Variants in IQCH observed in about 807,000 individuals in gnomAD.
IQCH encodes the protein IQ motif containing H.
In IQCH, 98 loss-of-function variants were observed where a neutral mutation model predicts 117.0. The ratio of observed to expected loss-of-function variants is 0.84; its 90% CI spans 0.71 to 0.99. IQCH has a LOEUF of 0.99. Among genes scored for constraint, IQCH ranks in the 50% least tolerant of loss-of-function variants. IQCH has a pLI of 0.00. For missense variants in IQCH, 1,102 were observed against 1,243.8 expected (o/e 0.89, Z 1.72); for synonymous variants, 412 against 448.2 (o/e 0.92, Z 1.02).
chr15:67,379,562 T>C (rs1970851166), intron 10 of IQCH, among the ~76,000 whole-genome samples: 1 of 152,190 alleles, frequency 6.6e-6, no homozygotes, highest in Non-Finnish European at 1.5e-5. Flanking sequence ...ACCCAAATCT[T>C]ATTTTGAATT....
intron 4 of IQCH, among the ~76,000 whole-genome samples, chr15:67,302,714 G>A (rs778489587): frequency 1.1e-4 from 16 of 152,142 alleles, no homozygotes; most frequent in South Asian, 8.3e-4. Flanking sequence ...AAAATTAGCC[G>A]GGTGTGGTAG....
intron 10 of IQCH, among the ~76,000 whole-genome samples, chr15:67,377,429 T>C (rs1970777709): frequency 6.6e-6 from 1 of 152,174 alleles, no homozygotes; most frequent in Non-Finnish European, 1.5e-5. Flanking sequence ...TTAGGGTCTA[T>C]TTTAAGCAAA....
intron 6 of IQCH, among the ~76,000 whole-genome samples, chr15:67,345,156 A>C (rs1969332744): frequency 6.6e-6 from 1 of 151,982 alleles, no homozygotes; most frequent in Admixed American, 6.6e-5. Flanking sequence ...CGCCTGATTA[A>C]TTTTTTGTAT....
Position 67,458,445 on chromosome 15 carries a change from T to C in IQCH, c.2506-6682T>C, listed in dbSNP as rs2082710314. Among the ~76,000 whole-genome samples the C allele has an allele frequency of 6.6e-6, 1 of 152,232 alleles. No homozygotes were observed. Among genetic ancestry groups the C allele is most frequent in the Admixed American group, 6.5e-5 (1 of 15,292 alleles). On this transcript the variant is annotated intron_variant, in intron 16 of 20. Transcript: ENST00000335894. This position sits in a 1 kb window ranked among gnomAD's most constrained non-coding sequence, Gnocchi z 4.1. ...AGTGTGGTCCAGCCACCATCATCTC[T>C]CACCTCAATTACTGCAAGTCTTCCT...
chr15:67,298,932 G>T (rs543969619), intron 4 of IQCH, among the ~76,000 whole-genome samples: 1 of 152,196 alleles, frequency 6.6e-6, no homozygotes, highest in South Asian at 2.1e-4. Flanking sequence ...CCGAAAGAAA[G>T]GAAATCAGTG....
intron 6 of IQCH, among the ~76,000 whole-genome samples, chr15:67,355,868 C>T (rs1457677650): frequency 6.6e-6 from 1 of 152,188 alleles, no homozygotes; most frequent in African/African-American, 2.4e-5. Context: ...TTATTGATAT[C>T]ATTAACTGTG....
intron 18 of IQCH, among the ~76,000 whole-genome samples, chr15:67,487,350 A>C (rs1189879252): frequency 6.6e-6 from 1 of 152,006 alleles, no homozygotes; most frequent in East Asian, 1.9e-4. Flanking sequence ...ACAACAAAAA[A>C]AGAATGTAGA....
At chr15:67,499,039 G>A (rs2083903364) in intron 20 of IQCH, among the ~76,000 whole-genome samples, 1 of 152,148 alleles carries the variant, frequency 6.6e-6, no homozygotes, top group South Asian at 2.1e-4. Flanking sequence ...GCTCACACCT[G>A]TAATCCCAGC....
At chr15:67,274,681 G>A (rs1966048076) in intron 3 of IQCH, among the ~76,000 whole-genome samples, 1 of 151,930 alleles carries the variant, frequency 6.6e-6, no homozygotes, top group African/African-American at 2.4e-5. Flanking sequence ...TGTTCATTTT[G>A]GGGAAGTCAT....
intron 4 of IQCH, among the ~76,000 whole-genome samples, chr15:67,335,024 C>T (rs920683377): frequency 1.3e-4 from 20 of 152,080 alleles, no homozygotes; most frequent in Admixed American, 9.2e-4. Flanking sequence ...TTTCTGTCAA[C>T]GAAAACACCA....
chr15:67,284,660 G>A (rs1373387644), intron 4 of IQCH, among the ~76,000 whole-genome samples: 3 of 152,028 alleles, frequency 2.0e-5, no homozygotes, highest in Non-Finnish European at 4.4e-5. Flanking sequence ...TCCTCTCTAT[G>A]TGTCCATGTG....
At chr15:67,477,966 G>A (rs943185225) in intron 18 of IQCH, among the ~76,000 whole-genome samples, 2 of 152,164 alleles carry the variant, frequency 1.3e-5, no homozygotes, top group East Asian at 1.9e-4. Context: ...TGAGTTGATC[G>A]GATCTATTTC....
At chr15:67,262,178 A>C (rs1412115601) in intron 2 of IQCH, among the ~76,000 whole-genome samples, 1 of 152,250 alleles carries the variant, frequency 6.6e-6, no homozygotes, top group East Asian at 1.9e-4. Flanking sequence ...GTTATAATCA[A>C]ATGGGTAAAA....
At position 67,481,037 on chromosome 15, in the gene IQCH, T is replaced by C. The variant is rs1219594648; in HGVS notation, c.2799+5219T>C. Among the ~76,000 whole-genome samples, 2 of 152,152 alleles carry C rather than the reference T, an allele frequency of 1.3e-5. No homozygotes were observed. Among genetic ancestry groups the C allele is most frequent in the Admixed American group, 6.5e-5 (1 of 15,274 alleles). On this transcript the variant is annotated intron_variant, in intron 18 of 20. Transcript: ENST00000335894. This position sits in a 1 kb window ranked among gnomAD's most constrained non-coding sequence, Gnocchi z 4.1. ...ACCTCAAAAATGAGACTTTTAAAAATTGAAGAGGCATTTATTTACACAACC... is the reference window on the plus strand; with the variant it reads ...ACCTCAAAAATGAGACTTTTAAAAACTGAAGAGGCATTTATTTACACAACC...
chr15:67,489,440 C>G (rs955688880), intron 18 of IQCH, among the ~76,000 whole-genome samples: 5 of 152,146 alleles, frequency 3.3e-5, no homozygotes, highest in African/African-American at 1.2e-4. Context: ...ATTCTCCTGC[C>G]TCAGCCTCTG....
In IQCH at chr15:67,430,171, G is replaced by A. The variant is rs72747406; in HGVS notation, c.2505+8594G>A. ...ACAAGGCAGCCATGTTGGAGATCTG[G>A]CCTTCCCACATAAGGATAATATTAT... On this transcript the variant is annotated intron_variant, in intron 16 of 20. Coordinates refer to ENST00000335894, the MANE Select transcript of IQCH (RefSeq NM_001031715.3). The surrounding 1 kb of genome is among the most constrained non-coding windows in gnomAD (Gnocchi z 5.1). 0.057 allele frequency: 8,601 copies of A among 152,142 alleles called. 349 individuals are homozygous for A. Among genetic ancestry groups the A allele is most frequent in the Non-Finnish European group, 0.081 (5,499 of 68,020 alleles). 9.4% of individuals were successfully genotyped at this position (152,142 alleles called of 1,614,324 possible).
Position 67,372,413 on chromosome 15 carries a change from C to T in IQCH, c.1056C>T (p.Val352=). 6.2e-7 allele frequency: 1 copy of T among 1,614,070 alleles called. No homozygotes were observed. Among genetic ancestry groups the T allele is most frequent in the African/African-American group, 1.3e-5 (1 of 75,030 alleles). The change falls in exon 9 of 21, where the codon GTC becomes GTT. Residue 352 remains valine, a synonymous_variant. Transcript: ENST00000335894. ...LLSVLEDPAH[V]QMLINLPGQR... ...CAGTGTTAGAGGACCCAGCTCATGT[C>T]CAAATGCTGATAAATCTTCCAGGGC...
intron 6 of IQCH, among the ~76,000 whole-genome samples, chr15:67,347,154 C>T (rs1201386513): frequency 7.0e-6 from 1 of 143,290 alleles, no homozygotes; most frequent in Non-Finnish European, 1.5e-5. Flanking sequence ...AAGCAAGCAG[C>T]AGATGGAAAT....
At position 67,482,544 on chromosome 15, in the gene IQCH, A is replaced by G. The variant is rs189280835; in HGVS notation, c.2799+6726A>G. On this transcript the variant is annotated intron_variant, in intron 18 of 20. Coordinates refer to ENST00000335894, the MANE Select transcript of IQCH (RefSeq NM_001031715.3). ...TCACACATTTTGTTTCATTCTTGCA[A>G]TAACTTTGAAAGGTAGACATTTTCA... Among the ~76,000 whole-genome samples, 87 of 152,294 alleles carry G rather than the reference A, an allele frequency of 5.7e-4. 6 individuals are homozygous for G. In the East Asian group the frequency reaches 5.8e-3, roughly 10 times the overall value.
Sources: allele counts gnomAD v4.1 joint callset (sites outside exome capture counted in the v4.1 genomes callset), GRCh38; gene constraint gnomAD v4.1.1; non-coding constraint Gnocchi (gnomAD v3.1); transcripts MANE v1.5; gene names NCBI Gene and HGNC (gene_info 2026-07-23, HGNC 2026-07-21).